The following ATG3 variants were observed in gnomAD, a reference collection of about 807,000 sequenced individuals.
ATG3 encodes ubiquitin-like-conjugating enzyme ATG3.
A neutral mutation model predicts 50.7 loss-of-function variants in ATG3; 25 were observed. The ratio of observed to expected loss-of-function variants is 0.49; its 90% CI spans 0.36 to 0.69. The LOEUF is 0.69. Among genes scored for constraint, ATG3 ranks in the 30% least tolerant of loss-of-function variants. The pLI, the probability that ATG3 is intolerant of heterozygous loss-of-function variation, is 0.00. For synonymous variants in ATG3, 119 were observed against 125.5 expected, an observed-to-expected ratio of 0.95 and a Z score of 0.34; for missense variants, 281 against 376.0, an observed-to-expected ratio of 0.75 and a Z score of 2.09.
intron 3 of ATG3, among the ~76,000 whole-genome samples, chr3:112,552,167 A>G (rs1344733489): frequency 6.6e-6 from 1 of 152,182 alleles, no homozygotes; most frequent in Non-Finnish European, 1.5e-5. Flanking sequence ...ATTTTTAAGA[A>G]AAAAGATATA....
At chr3:112,557,415 C>T (rs990396041) in intron 2 of ATG3, among the ~76,000 whole-genome samples, 13 of 152,132 alleles carry the variant, frequency 8.5e-5, no homozygotes, top group Non-Finnish European at 1.5e-4. Context: ...GTCAAGAGGT[C>T]GAGACCATTC....
At chr3:112,535,714 G>C (rs919437079) in intron 10 of ATG3, 2 of 152,168 alleles carry the variant, frequency 1.3e-5, no homozygotes, top group East Asian at 1.9e-4. Context: ...TTTTTAACTA[G>C]AGGGAAGAGA....
At chr3:112,556,040 TGATTTCAGATAAA>T (rs1933661034) in intron 2 of ATG3, among the ~76,000 whole-genome samples, 1 of 151,978 alleles carries the variant, frequency 6.6e-6, no homozygotes, top group African/African-American at 2.4e-5. Flanking sequence ...TCTCCGCTCT[TGATTTCAGATAAA>T]GAGCCATGTT....
At chr3:112,556,992 TGCGA>T (rs1933703137) in intron 2 of ATG3, among the ~76,000 whole-genome samples, 1 of 150,656 alleles carries the variant, frequency 6.6e-6, no homozygotes, top group Non-Finnish European at 1.5e-5. Context: ...AATCCCCCTC[TGCGA>T]GAAACACCCA....
chr3:112,554,462 T>C (rs1002347399), intron 2 of ATG3, among the ~76,000 whole-genome samples: 3 of 152,212 alleles, frequency 2.0e-5, no homozygotes, highest in Admixed American at 6.5e-5. Flanking sequence ...CCACAAAACA[T>C]TGCTCCTAAC....
chr3:112,561,353 C>G (rs1933867968), intron 1 of ATG3, 104 bp downstream of exon 1: 2 of 1,230,502 alleles, frequency 1.6e-6, no homozygotes, highest in Non-Finnish European at 2.3e-6. Context: ...CTACTGCCTT[C>G]CTACACCTTG....
chr3:112,534,194 G>T (rs760183458), intron 11 of ATG3, 75 bp downstream of exon 11: 1 of 1,546,930 alleles, frequency 6.5e-7, no homozygotes, highest in Non-Finnish European at 8.7e-7. Flanking sequence ...GTATCATTAA[G>T]GTTACACTAA....
At chr3:112,558,998 C>G (rs1933762970) in intron 1 of ATG3, among the ~76,000 whole-genome samples, 1 of 152,190 alleles carries the variant, frequency 6.6e-6, no homozygotes, top group Admixed American at 6.5e-5. Flanking sequence ...CTCGGCCTCC[C>G]AATGTGCTGG....
chr3:112,538,048 ATTAGAATGTCT>A lies in ATG3; in HGVS notation c.510+87_510+97del, dbSNP rs1009919331. 335 of 1,239,526 alleles carry A rather than the reference ATTAGAATGTCT, an allele frequency of 2.7e-4. 4 individuals are homozygous for A. The highest frequency in any genetic ancestry group is 5.1e-5 in the Non-Finnish European group (45 of 886,984). 76.8% of individuals were successfully genotyped at this position (1,239,526 alleles called of 1,614,324 possible). The stretch of plus-strand genomic sequence containing the variant: ...TATATGCTATAATCAATATGAACAA[ATTAGAATGTCT>A]TTGAAAGATCAATATATTATTAGTA... On this transcript the variant is annotated intron_variant, in intron 8 of 11. Transcript: ENST00000283290.
intron 1 of ATG3, among the ~76,000 whole-genome samples, 185 bp downstream of exon 1, chr3:112,561,272 G>C (rs1933862358): frequency 6.6e-6 from 1 of 152,286 alleles, no homozygotes. Context: ...CCCCTGAGGA[G>C]TCAGAAAGCC....
chr3:112,561,801 C>G lies in ATG3; in HGVS notation c.-273G>C, dbSNP rs1450554598. The G allele has an allele frequency of 8.7e-6, 4 of 460,022 alleles. No homozygotes were observed. The highest frequency in any genetic ancestry group is 7.7e-5 in the South Asian group (3 of 38,808). 28.5% of individuals were successfully genotyped at this position (460,022 alleles called of 1,614,324 possible). ...GTCACCCAGCCGCGAGGGAGGGCAGCGGGGCCGAAGGGAGACCTGAGGTGA... is the reference window on the plus strand; with the variant it reads ...GTCACCCAGCCGCGAGGGAGGGCAGGGGGGCCGAAGGGAGACCTGAGGTGA... On this transcript the variant is annotated 5_prime_UTR_variant, in exon 1 of 12. Transcript: ENST00000283290.
At chr3:112,539,524 A>T (rs1576715601) in intron 7 of ATG3, among the ~76,000 whole-genome samples, 1 of 152,174 alleles carries the variant, frequency 6.6e-6, no homozygotes, top group East Asian at 1.9e-4. Context: ...TAAAAATTGC[A>T]ATACTCATTC....
intron 6 of ATG3, among the ~76,000 whole-genome samples, chr3:112,542,578 T>C (rs1474791877): frequency 6.6e-6 from 1 of 152,096 alleles, no homozygotes; most frequent in African/African-American, 2.4e-5. Context: ...ACTTAAGTCA[T>C]ATGTTTAAAA....
intron 5 of ATG3, 85 bp from the exon 6 acceptor site, chr3:112,544,191 A>G: frequency 8.9e-7 from 1 of 1,118,738 alleles, no homozygotes. Context: ...AAAATGCTGA[A>G]AATTCTCACA....
Position 112,544,077 on chromosome 3 carries a change from C to T in ATG3, c.373G>A (p.Glu125Lys). ...GITGITEAVK[E>K]ITLENKDNIR... is the part of the protein sequence containing the mutation. ...AGTACCTTATTTTCCAGTGTGATCT[C>T]TTTAACGGCTTCCGTTATTCCTGTA... The change falls in exon 6 of 12, where the codon GAG (glutamate) becomes AAG (lysine). Residue 125 changes from glutamate to lysine, a missense_variant. Glu to Lys is a moderately conservative substitution (Grantham distance 56). Transcript: ENST00000283290. 6.2e-7 allele frequency: 1 copy of T among 1,602,674 alleles called. No homozygotes were observed. The highest frequency in any genetic ancestry group is 8.5e-7 in the Non-Finnish European group (1 of 1,170,562).
chr3:112,560,207 A>G (rs1044886117), intron 1 of ATG3, among the ~76,000 whole-genome samples: 8 of 152,238 alleles, frequency 5.3e-5, no homozygotes, highest in African/African-American at 1.9e-4. Context: ...TTATTAAAAT[A>G]CTGTATACCT....
chr3:112,550,217 G>A lies in ATG3; in HGVS notation c.210C>T (p.Gly70=), dbSNP rs1425963980. ...ELKVKAYLPT[G]KQFLVTKNVP... Reference sequence around the variant, plus strand: ...CATTTTTGGTTACCAAAAATTGTTTGCCTGTTGGTAGGTATGCCTTCACTT... The same window carrying A: ...CATTTTTGGTTACCAAAAATTGTTTACCTGTTGGTAGGTATGCCTTCACTT... The change falls in exon 4 of 12, where the codon GGC becomes GGT. Residue 70 remains glycine, a synonymous_variant. Coordinates refer to ENST00000283290, the MANE Select transcript of ATG3 (RefSeq NM_022488.5). 6.2e-7 allele frequency: 1 copy of A among 1,612,716 alleles called. No homozygotes were observed. The highest frequency in any genetic ancestry group is 1.3e-5 in the African/African-American group (1 of 74,876).
At chr3:112,539,382 T>C (rs991533532) in intron 7 of ATG3, among the ~76,000 whole-genome samples, 9 of 152,174 alleles carry the variant, frequency 5.9e-5, no homozygotes, top group African/African-American at 2.2e-4. Context: ...TACAATATTT[T>C]ACATAAGCCA....
chr3:112,558,735 ATTCT>A (rs1256308632), intron 1 of ATG3, among the ~76,000 whole-genome samples: 1 of 151,390 alleles, frequency 6.6e-6, no homozygotes, highest in African/African-American at 2.4e-5. Context: ...ATGTAGAAAC[ATTCT>A]TTTTTTTTTT....
Sources: gnomAD v4.1 joint callset for allele counts (sites outside exome capture counted in the v4.1 genomes callset) on GRCh38, gnomAD v4.1.1 for gene constraint, MANE v1.5 for transcripts, NCBI Gene and HGNC (gene_info 2026-07-23, HGNC 2026-07-21) for gene names.